The following EXOC4 variants were observed in gnomAD, a reference collection of about 807,000 sequenced individuals.
EXOC4 encodes the protein exocyst complex component 4.
In EXOC4, 71 loss-of-function variants were observed where a neutral mutation model predicts 107.2. The observed-to-expected ratio is 0.66, with a 90% CI of 0.55 to 0.81. The LOEUF (loss-of-function observed/expected upper bound fraction) is 0.81, where lower values mean the gene tolerates loss of function less well. EXOC4 is among the 30% of genes least tolerant of loss of function. EXOC4 has a pLI of 0.00. For missense variants in EXOC4, 1,108 were observed against 1,189.6 expected, an observed-to-expected ratio of 0.93 and a Z score of 1.01; for synonymous variants, 456 against 441.2, an observed-to-expected ratio of 1.03 and a Z score of -0.42.
chr7:134,082,591 C>T, the EXOC4 span, among the ~76,000 whole-genome samples: 22 of 152,292 alleles, frequency 1.4e-4, 1 homozygote, highest in East Asian at 2.9e-3. Context: ...CAGGCACATG[C>T]CACCACACCC....
chr7:133,420,879 C>A (rs867708335), intron 7 of EXOC4, among the ~76,000 whole-genome samples: 4 of 150,880 alleles, frequency 2.7e-5, no homozygotes, highest in Non-Finnish European at 5.9e-5. Context: ...TTTCTCCCTG[C>A]CACTTCTGCT....
chr7:133,784,504 G>A (rs918633467), intron 10 of EXOC4, among the ~76,000 whole-genome samples: 4 of 152,228 alleles, frequency 2.6e-5, no homozygotes, highest in Middle Eastern at 3.4e-3. Context: ...TCTGGGGTCC[G>A]TTCTTCTTGT....
chr7:133,639,067 A>G (rs1050365722), intron 10 of EXOC4, among the ~76,000 whole-genome samples: 3 of 152,212 alleles, frequency 2.0e-5, no homozygotes, highest in African/African-American at 7.2e-5. Context: ...ATGTCCAGCC[A>G]CAGGGCCATT....
chr7:133,864,598 C>G (rs879265945), intron 11 of EXOC4, among the ~76,000 whole-genome samples: 1 of 152,174 alleles, frequency 6.6e-6, no homozygotes, highest in Non-Finnish European at 1.5e-5. Flanking sequence ...TTCCTTCTGA[C>G]TTTTACGACA....
At chr7:133,886,224 A>G (rs1294060951) in intron 11 of EXOC4, among the ~76,000 whole-genome samples, 2 of 152,184 alleles carry the variant, frequency 1.3e-5, no homozygotes, top group Non-Finnish European at 2.9e-5. Context: ...CCAGCATATT[A>G]AAGGTTTCTG....
chr7:133,287,120 T>C (rs1381479567), intron 2 of EXOC4, among the ~76,000 whole-genome samples: 2 of 152,178 alleles, frequency 1.3e-5, no homozygotes, highest in African/African-American at 2.4e-5. Flanking sequence ...TCTTGCTAGC[T>C]TCCACAGTTT....
chr7:133,847,921 A>G (rs1314267142), intron 11 of EXOC4, among the ~76,000 whole-genome samples: 1 of 126,548 alleles, frequency 7.9e-6, no homozygotes, highest in East Asian at 2.2e-4. Context: ...GTAGAGACAC[A>G]GTTTCACCAT....
intron 9 of EXOC4, among the ~76,000 whole-genome samples, chr7:133,524,657 A>G (rs1360703041): frequency 6.6e-6 from 1 of 151,836 alleles, no homozygotes; most frequent in Non-Finnish European, 1.5e-5. Context: ...CTTTCTACAT[A>G]TGGCTAGCCA....
intron 9 of EXOC4, among the ~76,000 whole-genome samples, chr7:133,567,238 G>T (rs957308713): frequency 4.6e-5 from 7 of 151,538 alleles, no homozygotes; most frequent in Non-Finnish European, 1.0e-4. Context: ...GAAATTTTTT[G>T]GCATATATAA....
chr7:133,440,936 T>C (rs1347738045), intron 7 of EXOC4, among the ~76,000 whole-genome samples: 1 of 152,226 alleles, frequency 6.6e-6, no homozygotes, highest in African/African-American at 2.4e-5. Context: ...AAACTTGCTT[T>C]CACTTTACTC....
chr7:133,580,179 C>T (rs189799336), intron 9 of EXOC4, among the ~76,000 whole-genome samples: 13 of 152,278 alleles, frequency 8.5e-5, no homozygotes, highest in East Asian at 3.9e-4. Context: ...ATGTATACAT[C>T]GCATTTTGTT....
intron 10 of EXOC4, among the ~76,000 whole-genome samples, chr7:133,816,971 A>T (rs1390881823): frequency 1.3e-5 from 2 of 152,132 alleles, no homozygotes; most frequent in Non-Finnish European, 2.9e-5. Flanking sequence ...TCGGTGGGAA[A>T]TATGTACTCT....
chr7:134,085,028 G>A, the EXOC4 span, among the ~76,000 whole-genome samples: 1 of 152,214 alleles, frequency 6.6e-6, no homozygotes, highest in Non-Finnish European at 1.5e-5. Context: ...ACACTCAGCT[G>A]TATATGAGTG....
At chr7:133,568,459 C>T (rs1466982663) in intron 9 of EXOC4, among the ~76,000 whole-genome samples, 1 of 152,078 alleles carries the variant, frequency 6.6e-6, no homozygotes, top group Non-Finnish European at 1.5e-5. Flanking sequence ...GGAATTTTAT[C>T]ATAATTTTAA....
At chr7:133,362,927 C>G (rs955762582) in intron 6 of EXOC4, among the ~76,000 whole-genome samples, 12 of 152,194 alleles carry the variant, frequency 7.9e-5, no homozygotes, top group Non-Finnish European at 1.2e-4. Flanking sequence ...TCAAGAGCAG[C>G]TTTGAAGCAA....
intron 12 of EXOC4, among the ~76,000 whole-genome samples, chr7:133,912,645 A>T (rs1193283350): frequency 6.6e-6 from 1 of 152,152 alleles, no homozygotes; most frequent in Non-Finnish European, 1.5e-5. Context: ...TTCAGTTCTT[A>T]TATGCCTTCT....
At chr7:134,032,652 A>G (rs1176749086) in intron 17 of EXOC4, among the ~76,000 whole-genome samples, 1 of 152,190 alleles carries the variant, frequency 6.6e-6, no homozygotes, top group Non-Finnish European at 1.5e-5. Flanking sequence ...CTCAGACTGG[A>G]CCTGGGGACT....
At chr7:133,362,037 T>C (rs543847891) in intron 6 of EXOC4, among the ~76,000 whole-genome samples, 30 of 152,326 alleles carry the variant, frequency 2.0e-4, no homozygotes, top group Middle Eastern at 3.4e-3. Context: ...AAATTTGTTC[T>C]TTGGGATTTA....
At chr7:133,793,414 G>A (rs1039625968) in intron 10 of EXOC4, among the ~76,000 whole-genome samples, 5 of 152,158 alleles carry the variant, frequency 3.3e-5, no homozygotes, top group Non-Finnish European at 7.3e-5. Context: ...CAGACCCCAC[G>A]GTGAGGATCT....
Sources: allele counts gnomAD v4.1 joint callset (sites outside exome capture counted in the v4.1 genomes callset), GRCh38; gene constraint gnomAD v4.1.1; transcripts MANE v1.5; gene names NCBI Gene and HGNC (gene_info 2026-07-23, HGNC 2026-07-21).